Variants in PHF20L1 observed in about 807,000 individuals in gnomAD.
PHF20L1 encodes PHD finger protein 20 like 1, also known as PHD finger protein 20-like protein 1.
In PHF20L1, 44 loss-of-function variants were observed where a neutral mutation model predicts 125.5. That is an observed-to-expected ratio of 0.35 (90% CI 0.28 to 0.45). The LOEUF (loss-of-function observed/expected upper bound fraction) is 0.45, where lower values mean the gene tolerates loss of function less well. Ranked by LOEUF, PHF20L1 falls within the 20% of genes least tolerant of loss-of-function variation. PHF20L1 has a pLI of 1.00. For missense variants in PHF20L1, 1,012 were observed against 1,217.2 expected (o/e 0.83, Z 2.51); for synonymous variants, 380 against 403.1 (o/e 0.94, Z 0.69).
intron 14 of PHF20L1, among the ~76,000 whole-genome samples, chr8:132,827,656 C>G (rs1167884162): frequency 6.6e-6 from 1 of 151,764 alleles, no homozygotes; most frequent in African/African-American, 2.4e-5. Flanking sequence ...GAAGGAGGAG[C>G]AATTAGGATT....
intron 15 of PHF20L1, 136 bp from the exon 16 acceptor site, chr8:132,836,404 C>T (rs1386108200): frequency 6.5e-6 from 4 of 618,536 alleles, no homozygotes; most frequent in African/African-American, 5.5e-5. Flanking sequence ...AAGTACAGTA[C>T]AGTATTCTTA....
Position 132,803,951 on chromosome 8 carries a change from A to G in PHF20L1, c.640A>G (p.Lys214Glu). ...GAGAAAGTGGTTTAAAGTACCTTCA[A>G]AGAAGGAGGAAACTTCAACTTGTAT... ...DERKWFKVPS[K>E]KEETSTCIAT... The change falls in exon 7 of 21, where the codon AAG (lysine) becomes GAG (glutamate). Residue 214 changes from lysine (K) to glutamate (E), a missense_variant. Around this residue, in one of 7 missense-constraint regions of PHF20L1, gnomAD observed 134 missense variants for 145.9 expected, o/e 0.92. Transcript: ENST00000395386. 5 of 1,612,076 alleles carry G rather than the reference A, an allele frequency of 3.1e-6. No homozygotes were observed. Among genetic ancestry groups the G allele is most frequent in the Non-Finnish European group, 4.2e-6 (5 of 1,178,518 alleles).
At chr8:132,808,106 G>A (rs1207925581) in intron 8 of PHF20L1, 1 of 152,938 alleles carries the variant, frequency 6.5e-6, no homozygotes, top group Non-Finnish European at 1.5e-5. Flanking sequence ...CCATTTTATT[G>A]TTTATATTTA....
intron 12 of PHF20L1, chr8:132,818,043 A>G (rs976966480): frequency 6.6e-6 from 1 of 152,142 alleles, no homozygotes; most frequent in African/African-American, 2.4e-5. Context: ...GGAGTGCAAT[A>G]TGTAAAATCA....
In PHF20L1 at chr8:132,785,080, G is replaced by A. The variant is rs114304596; in HGVS notation, c.83+7169G>A. Among the ~76,000 whole-genome samples the A allele has an allele frequency of 4.1e-3, 624 of 152,228 alleles. 4 individuals carry two copies. Among genetic ancestry groups the A allele is most frequent in the African/African-American group, 0.014 (589 of 41,526 alleles). On this transcript the variant is annotated intron_variant, in intron 2 of 20. Coordinates refer to ENST00000395386, the MANE Select transcript of PHF20L1 (RefSeq NM_016018.5). ...AGGCTTACTGTGCTGTGCTTTATGT[G>A]TGTGTGATCGTATAGTGGCAAGGGT...
chr8:132,843,796 T>G (rs1838177937), intron 19 of PHF20L1: 1 of 985,132 alleles, frequency 1.0e-6, no homozygotes, highest in Non-Finnish European at 1.2e-6. Context: ...TGCTTTCCAC[T>G]CTTATGTCCA....
rs758489158 is a variant in PHF20L1 at position 132,844,231 on chromosome 8, C to G, written c.2824C>G (p.Gln942Glu). ...CGAAGACCCAGGAGACTCACATCTT[C>G]AGTGGCAGCTCAATCTCCTTACACA... The part of the protein sequence containing the change: ...GTEDPGDSHL[Q>E]WQLNLLTHIE... The change falls in exon 20 of 21, where the codon CAG becomes GAG. Residue 942 changes from glutamine (Q) to glutamate (E), a missense_variant. By Grantham distance (29) the Gln-to-Glu change is conservative. This residue lies in a region of PHF20L1 where 277 missense variants were observed against 283.6 expected (regional missense o/e 0.98). Transcript: ENST00000395386. The G allele has an allele frequency of 7.4e-6, 12 of 1,612,678 alleles. No homozygotes were observed. In the African/African-American group the frequency reaches 1.6e-4, roughly 22 times the overall value.
At chr8:132,820,061 A>G (rs1024835410) in intron 12 of PHF20L1, among the ~76,000 whole-genome samples, 5 of 151,856 alleles carry the variant, frequency 3.3e-5, no homozygotes, top group African/African-American at 1.2e-4. Flanking sequence ...ATGAACTTGC[A>G]ATAATCTCTC....
intron 12 of PHF20L1, 199 bp downstream of exon 12, chr8:132,817,744 G>C (rs1188838129): frequency 5.7e-6 from 3 of 525,576 alleles, no homozygotes; most frequent in Non-Finnish European, 6.7e-6. Flanking sequence ...CATATTCCCT[G>C]GACATACATG....
At chr8:132,797,288 C>T (rs927806279) in intron 4 of PHF20L1, among the ~76,000 whole-genome samples, 1 of 151,930 alleles carries the variant, frequency 6.6e-6, no homozygotes. Flanking sequence ...AAGAGCAAAA[C>T]AAAATGAACA....
At chr8:132,812,296 A>G in intron 9 of PHF20L1, 1 of 985,042 alleles carries the variant, frequency 1.0e-6, no homozygotes, top group Non-Finnish European at 1.2e-6. Flanking sequence ...CTTGGGTAAT[A>G]AAATGTTTCT....
chr8:132,825,748 G>T (rs187015476), intron 14 of PHF20L1, among the ~76,000 whole-genome samples: 7 of 152,130 alleles, frequency 4.6e-5, no homozygotes, highest in Non-Finnish European at 1.0e-4. Context: ...AGAAGAATTT[G>T]AGAAACCAAC....
At chr8:132,783,457 A>G (rs1194591173) in intron 2 of PHF20L1, among the ~76,000 whole-genome samples, 1 of 152,176 alleles carries the variant, frequency 6.6e-6, no homozygotes, top group Non-Finnish European at 1.5e-5. Flanking sequence ...ATTTAAATAA[A>G]ATTATACATT....
At chr8:132,801,138 A>G (rs1298676367) in intron 6 of PHF20L1, among the ~76,000 whole-genome samples, 1 of 151,616 alleles carries the variant, frequency 6.6e-6, no homozygotes, top group Non-Finnish European at 1.5e-5. Flanking sequence ...GAGCCATTAT[A>G]TTTTTAATTT....
Position 132,817,013 on chromosome 8 carries a change from G to A in PHF20L1, c.1309G>A (p.Ala437Thr). The change falls in exon 11 of 21, where the codon GCC (alanine) becomes ACC (threonine). Residue 437 changes from alanine to threonine, a missense_variant. This residue lies in a region of PHF20L1 where 320 missense variants were observed against 293.8 expected (regional missense o/e 1.09). Transcript: ENST00000395386. ...SVEKVSSPSP[A>T]TDGKVFSISS... ...AGAAAAGGTTTCTTCTCCCTCTCCAGCCACTGATGGGAAAGTATTCTCCAT... is the reference window on the plus strand; with the variant it reads ...AGAAAAGGTTTCTTCTCCCTCTCCAACCACTGATGGGAAAGTATTCTCCAT... 1.2e-6 allele frequency: 2 copies of A among 1,608,460 alleles called. No individual in the cohort carries two copies. The highest frequency in any genetic ancestry group is 1.7e-6 in the Non-Finnish European group (2 of 1,177,184).
Position 132,814,760 on chromosome 8 carries a change from T to A in PHF20L1, c.1054T>A (p.Cys352Ser). ...LSSGKARSKK[C>S]KHESGDSSGC... is the part of the protein sequence containing the mutation. ...TTCAGGGAAGGCTCGCAGCAAGAAA[T>A]GCAAACATGAATCTGGAGATTCTTC... Residue 352 changes from cysteine to serine, a missense_variant, in exon 10 of 21, where the codon TGC (cysteine) becomes AGC (serine). Around this residue, in one of 7 missense-constraint regions of PHF20L1, gnomAD observed 119 missense variants for 160.2 expected, o/e 0.74. Coordinates refer to ENST00000395386, the MANE Select transcript of PHF20L1 (RefSeq NM_016018.5). The A allele has an allele frequency of 6.2e-7, 1 of 1,613,002 alleles. No individual in the cohort carries two copies. Among genetic ancestry groups the A allele is most frequent in the Non-Finnish European group, 8.5e-7 (1 of 1,179,246 alleles).
intron 1 of PHF20L1, among the ~76,000 whole-genome samples, chr8:132,776,180 C>T (rs1023615346): frequency 6.6e-6 from 1 of 152,180 alleles, no homozygotes; most frequent in African/African-American, 2.4e-5. Context: ...TAATTCAAAT[C>T]CCTCTTCATC....
In PHF20L1 at chr8:132,833,468, C is replaced by T. The variant is rs371210825; in HGVS notation, c.1909+1069C>T. ...TTTTTCCCATGGTTCAGTGGTTCTT[C>T]ACCCCCGGTGAACCTTACAATCATT... is the stretch of plus-strand genomic sequence containing the variant. On this transcript the variant is annotated intron_variant, in intron 15 of 20. Transcript: ENST00000395386. 3.7e-4 allele frequency among the ~76,000 whole-genome samples: 56 copies of T among 152,214 alleles called. 1 individual carries two copies. The South Asian group carries it at 0.011, about 29-fold the overall frequency.
chr8:132,830,820 G>A (rs1246065098), intron 14 of PHF20L1, among the ~76,000 whole-genome samples: 1 of 151,960 alleles, frequency 6.6e-6, no homozygotes, highest in Non-Finnish European at 1.5e-5. Flanking sequence ...CCATCTTACA[G>A]AGCCCTCTTC....
Sources: gnomAD v4.1 joint callset for allele counts (sites outside exome capture counted in the v4.1 genomes callset) on GRCh38, gnomAD v4.1.1 for gene constraint, gnomAD v4.1.1 regional missense constraint, MANE v1.5 for transcripts, NCBI Gene and HGNC (gene_info 2026-07-23, HGNC 2026-07-21) for gene names.